GTF3C1: variants seen among roughly 807,000 people sequenced by gnomAD.
GTF3C1 encodes general transcription factor IIIC subunit 1, also known as general transcription factor 3C polypeptide 1.
A neutral mutation model predicts 226.7 loss-of-function variants in GTF3C1; 57 were observed. The observed-to-expected ratio is 0.25, with a 90% confidence interval of 0.20 to 0.31. GTF3C1 has a LOEUF of 0.31. Among genes scored for constraint, GTF3C1 ranks in the 10% least tolerant of loss-of-function variants. The probability of loss-of-function intolerance (pLI) is 1.00; values close to 1 mark genes in which losing one functional copy is unlikely to be tolerated. For missense variants in GTF3C1, 2,217 were observed against 2,776.1 expected (o/e 0.80, Z 4.53); for synonymous variants, 1,090 against 1,084.8 (o/e 1.00, Z -0.09).
intron 6 of GTF3C1, among the ~76,000 whole-genome samples, chr16:27,514,954 G>C (rs1449034191): frequency 3.3e-5 from 5 of 152,230 alleles, no homozygotes; most frequent in Admixed American, 2.6e-4. Context: ...AGCACTTGGG[G>C]GAGTCAGACC....
Position 27,489,697 on chromosome 16 carries a change from C to G in GTF3C1, c.3198G>C (p.Gln1066His), listed in dbSNP as rs771148958. ...PRVRKNSSTDQGSDEEGSLQK... is the reference protein window; with the variant it reads ...PRVRKNSSTDHGSDEEGSLQK... Reference sequence around the variant, plus strand: ...GCAGGCTGCCCTCCTCGTCGCTGCCCTGGTCTGTGCTGCTGTTCTTCCTGA... The same window carrying G: ...GCAGGCTGCCCTCCTCGTCGCTGCCGTGGTCTGTGCTGCTGTTCTTCCTGA... The change falls in exon 20 of 37, where the codon CAG (glutamine) becomes CAC (histidine). Residue 1066 changes from glutamine (Q) to histidine (H), a missense_variant. Around this residue, in one of 12 missense-constraint regions of GTF3C1, gnomAD observed 353 missense variants for 411.7 expected, o/e 0.86. Transcript: ENST00000356183. 1.9e-6 allele frequency: 3 copies of G among 1,612,134 alleles called. No individual in the cohort carries two copies. The highest frequency in any genetic ancestry group is 1.1e-5 in the South Asian group (1 of 90,802).
At chr16:27,464,943 T>C in intron 33 of GTF3C1, 107 bp from the exon 34 acceptor site, 2 of 962,730 alleles carry the variant, frequency 2.1e-6, no homozygotes, top group Non-Finnish European at 3.0e-6. Flanking sequence ...TTGAGTGCCC[T>C]GAGCAGCCCA....
At position 27,483,118 on chromosome 16, in the gene GTF3C1, G is replaced by C. The variant is rs2088081760; in HGVS notation, c.4009C>G (p.Leu1337Val). The C allele has an allele frequency of 8.7e-6, 14 of 1,614,052 alleles. No homozygotes were observed. The highest frequency in any genetic ancestry group is 1.2e-5 in the Non-Finnish European group (14 of 1,180,004). ...PQAYLNYKVC[L>V]AEVYQDKALV... ...GCTTTATCCTGGTACACCTCGGCCA[G>C]GCACACTCTGCAGGAAGAGGAGACA... The change falls in exon 26 of 37, where the codon CTG becomes GTG. Residue 1337 changes from leucine (L) to valine (V), a missense_variant. This residue lies in a region of GTF3C1 where 546 missense variants were observed against 663.0 expected (regional missense o/e 0.82). Transcript: ENST00000356183.
chr16:27,463,703 G>A lies in GTF3C1; in HGVS notation c.5873-111C>T. The A allele has an allele frequency of 1.3e-6, 1 of 752,742 alleles. No homozygotes were observed. Among genetic ancestry groups the A allele is most frequent in the South Asian group, 1.4e-5 (1 of 69,888 alleles). 46.6% of individuals were successfully genotyped at this position (752,742 alleles called of 1,614,324 possible). On this transcript the variant is annotated intron_variant, in intron 34 of 36. Transcript: ENST00000356183. The surrounding 1 kb of genome is among the most constrained non-coding windows in gnomAD (Gnocchi z 4.9). ...TGAGCAGGGCACCTCGAGGCTCAGG[G>A]GATGAAGTGTCAAAAAAAAAGGACA...
At position 27,537,912 on chromosome 16, in the gene GTF3C1, C is replaced by T. The variant is rs1394631155; in HGVS notation, c.624G>A (p.Lys208=). Residue 208 remains lysine, a synonymous_variant, in exon 4 of 37, where the codon AAG becomes AAA. Transcript: ENST00000356183. ...TCAAAATTTTTCTGTGATAGTGCAG[C>T]TTCCCAGCATCAACCCTGGAGGAAA... The part of the protein sequence containing the change: ...HTTAFKVDAG[K]LHYHRKILNK... The T allele has an allele frequency of 6.2e-7, 1 of 1,614,106 alleles. No homozygotes were observed. Among genetic ancestry groups the T allele is most frequent in the East Asian group, 2.2e-5 (1 of 44,890 alleles).
At chr16:27,498,798 G>T in intron 12 of GTF3C1, 65 bp from the exon 13 acceptor site, 1 of 722,616 alleles carries the variant, frequency 1.4e-6, no homozygotes, top group Non-Finnish European at 2.5e-6. Flanking sequence ...TGGCTCCACA[G>T]TCGATTCCTA....
chr16:27,536,168 GTTTAC>G lies in GTF3C1; in HGVS notation c.752+1611_752+1615del, dbSNP rs1483404308. On this transcript the variant is annotated intron_variant, in intron 4 of 36. Coordinates refer to ENST00000356183, the MANE Select transcript of GTF3C1 (RefSeq NM_001520.4). ...TCTTAATAACATTTTCTTTTCTCTA[GTTTAC>G]TTTATTGCAATAATACAAGAACAGG... Among the ~76,000 whole-genome samples the G allele has an allele frequency of 5.9e-5, 9 of 152,308 alleles. No homozygotes were observed. In the East Asian group the frequency reaches 7.7e-4, roughly 13 times the overall value.
intron 7 of GTF3C1, among the ~76,000 whole-genome samples, chr16:27,509,480 G>T (rs536083708): frequency 1.3e-5 from 2 of 152,074 alleles, no homozygotes; most frequent in Admixed American, 1.3e-4. Context: ...CCTCTTGGCC[G>T]GGTGCAGTGC....
rs118035716 is a variant in GTF3C1 at position 27,495,342 on chromosome 16, T to C, written c.2501A>G (p.Gln834Arg). Residue 834 changes from glutamine to arginine, a missense_variant, in exon 15 of 37, where the codon CAG becomes CGG. Gln to Arg is a conservative substitution (Grantham distance 43). Transcript: ENST00000356183. ...CCGGACGCCTGCCCTGCCTGACTCC[T>C]GCTTTATCGTTCTCCGTTCACTGAT... ...SFISERRTIK[Q>R]ESGRAGVRPS... The C allele has an allele frequency of 1.3e-5, 21 of 1,614,172 alleles. No homozygotes were observed. The East Asian group carries it at 2.7e-4, about 21-fold the overall frequency.
Position 27,476,484 on chromosome 16 carries a change from T to C in GTF3C1, c.4320A>G (p.Ser1440=), listed in dbSNP as rs1442599032. The C allele has an allele frequency of 2.5e-6, 4 of 1,613,138 alleles. No individual in the cohort carries two copies. The highest frequency in any genetic ancestry group is 3.4e-6 in the Non-Finnish European group (4 of 1,179,250). The change falls in exon 29 of 37, where the codon TCA becomes TCG. Residue 1440 remains serine (S), a synonymous_variant. Transcript: ENST00000356183. ...ACTGGTAGGACTTCATCTGACTGTCTGAGAGGGCCAGCGTGCTCTGGATCA... is the reference window on the plus strand; with the variant it reads ...ACTGGTAGGACTTCATCTGACTGTCCGAGAGGGCCAGCGTGCTCTGGATCA... ...QNLIQSTLAL[S]DSQMKSYQSF...
rs2088231640 is a variant in GTF3C1 at position 27,491,435 on chromosome 16, C to T, written c.3151+903G>A. Among the ~76,000 whole-genome samples the T allele has an allele frequency of 4.6e-5, 7 of 152,248 alleles. No homozygotes were observed. In the South Asian group the frequency reaches 1.2e-3, roughly 27 times the overall value. The stretch of plus-strand genomic sequence containing the variant: ...ATTTACAGGATGCCGACTGTGCACC[C>T]GACACTTTGCGACACATCATGGGGA... On this transcript the variant is annotated intron_variant, in intron 19 of 36. Coordinates refer to ENST00000356183, the MANE Select transcript of GTF3C1 (RefSeq NM_001520.4).
intron 6 of GTF3C1, among the ~76,000 whole-genome samples, chr16:27,527,363 A>G (rs2088848362): frequency 6.6e-6 from 1 of 152,148 alleles, no homozygotes; most frequent in Admixed American, 6.5e-5. Flanking sequence ...TTGCACTTTT[A>G]GTAGAAATGG....
At chr16:27,520,631 T>C (rs2088731037) in intron 6 of GTF3C1, among the ~76,000 whole-genome samples, 1 of 152,100 alleles carries the variant, frequency 6.6e-6, no homozygotes, top group East Asian at 1.9e-4. Context: ...GTTTAGAAAA[T>C]TATATAAACG....
At chr16:27,528,244 T>C (rs1179056671) in intron 6 of GTF3C1, among the ~76,000 whole-genome samples, 1 of 151,834 alleles carries the variant, frequency 6.6e-6, no homozygotes, top group African/African-American at 2.4e-5. Flanking sequence ...CACTGCACTA[T>C]GGGCGACAAA....
chr16:27,470,506 C>T lies in GTF3C1; in HGVS notation c.4527-111G>A, dbSNP rs1463125047. On this transcript the variant is annotated intron_variant, in intron 30 of 36. Transcript: ENST00000356183. This position sits in a 1 kb window ranked among gnomAD's most constrained non-coding sequence, Gnocchi z 4.9. ...TTATGGTGAGAACTAAGCAAAACGC[C>T]CCACTTCTTCCCTAAAGCTCTCTGT... 10 of 788,010 alleles carry T rather than the reference C, an allele frequency of 1.3e-5. No homozygotes were observed. In the Admixed American group the frequency reaches 2.3e-4, roughly 18 times the overall value. 48.8% of individuals were successfully genotyped at this position (788,010 alleles called of 1,614,324 possible). A position where few individuals can be genotyped will look rare whatever the true frequency, so the allele number is the denominator to read the frequency against.
chr16:27,529,143 T>A (rs1596654930), intron 5 of GTF3C1, among the ~76,000 whole-genome samples: 1 of 151,226 alleles, frequency 6.6e-6, no homozygotes, highest in East Asian at 2.0e-4. Context: ...GGGGAAAAAA[T>A]AGGTTAAAAA....
Position 27,461,459 on chromosome 16 carries a change from C to G in GTF3C1, c.6221G>C (p.Ser2074Thr). ...GAAAGCCATGGGGCTCTCGTCCAGG[C>G]TGGAGGGCACTTCCACCTCTTCCAC... Reference protein sequence around the residue: ...PVVEEVEVPSSLDESPMAFYE... With the variant: ...PVVEEVEVPSTLDESPMAFYE... The change falls in exon 37 of 37, where the codon AGC becomes ACC. Residue 2074 changes from serine (S) to threonine (T), a missense_variant. This residue lies in a region of GTF3C1 where 153 missense variants were observed against 199.8 expected (regional missense o/e 0.77). Coordinates refer to ENST00000356183, the MANE Select transcript of GTF3C1 (RefSeq NM_001520.4). This position sits in a 1 kb window ranked among gnomAD's most constrained non-coding sequence, Gnocchi z 5.3. 6.2e-7 allele frequency: 1 copy of G among 1,613,878 alleles called. No homozygotes were observed.
chr16:27,476,960 A>G (rs991080219), intron 28 of GTF3C1, among the ~76,000 whole-genome samples: 1 of 152,234 alleles, frequency 6.6e-6, no homozygotes, highest in Non-Finnish European at 1.5e-5. Flanking sequence ...TGGAAAGCTC[A>G]TGGGTTCAGA....
At chr16:27,483,948 G>T (rs924487044) in intron 25 of GTF3C1, among the ~76,000 whole-genome samples, 8 of 152,022 alleles carry the variant, frequency 5.3e-5, no homozygotes, top group African/African-American at 1.9e-4. Flanking sequence ...TCTAGTCTCC[G>T]CTTCTTCATC....
Sources: gnomAD v4.1 joint callset for allele counts (sites outside exome capture counted in the v4.1 genomes callset) on GRCh38, gnomAD v4.1.1 for gene constraint, gnomAD v4.1.1 regional missense constraint, Gnocchi (gnomAD v3.1) non-coding constraint, MANE v1.5 for transcripts, NCBI Gene and HGNC (gene_info 2026-07-23, HGNC 2026-07-21) for gene names.